The following MAPRE2 variants were observed in gnomAD, a reference collection of about 807,000 sequenced individuals.
MAPRE2 encodes the protein microtubule-associated protein RP/EB family member 2.
MAPRE2 carries 13 observed loss-of-function variants against 43.2 expected under a neutral mutation model. That is an observed-to-expected ratio of 0.30 (90% confidence interval 0.20 to 0.48). The LOEUF is 0.48. MAPRE2 is among the 20% of genes least tolerant of loss of function. The pLI is 0.99. For synonymous variants in MAPRE2, 135 were observed against 148.8 expected (o/e 0.91, Z 0.68); for missense variants, 161 against 400.2 (o/e 0.40, Z 5.10).
At chr18:35,019,526 G>A (rs2097040664) in intron 2 of MAPRE2, among the ~76,000 whole-genome samples, 1 of 151,924 alleles carries the variant, frequency 6.6e-6, no homozygotes, top group African/African-American at 2.4e-5. Flanking sequence ...TTATCATGTG[G>A]CTAGTTTTAT....
Position 35,123,962 on chromosome 18 carries a change from C to A in MAPRE2, c.611-2986C>A, listed in dbSNP as rs145794342. Among the ~76,000 whole-genome samples the A allele has an allele frequency of 4.2e-3, 641 of 152,178 alleles. 4 individuals carry two copies. Among genetic ancestry groups the A allele is most frequent in the African/African-American group, 0.015 (605 of 41,514 alleles). ...GTGGAAAGTGTTCAGGGCACTGTGG[C>A]CTCCCAGACAAAGTGACATCTGAGC... is the stretch of plus-strand genomic sequence containing the variant. On this transcript the variant is annotated intron_variant, in intron 4 of 6. Transcript: ENST00000300249.
intron 2 of MAPRE2, among the ~76,000 whole-genome samples, chr18:35,035,356 C>T (rs1246354318): frequency 1.2e-4 from 10 of 86,496 alleles, no homozygotes; most frequent in African/African-American, 3.2e-4. Context: ...ACTCTGGGGA[C>T]GGTTGTGGGG....
intron 1 of MAPRE2, among the ~76,000 whole-genome samples, chr18:34,993,812 A>G (rs1418380564): frequency 6.6e-6 from 1 of 152,172 alleles, no homozygotes; most frequent in Non-Finnish European, 1.5e-5. Context: ...GTCTGGCATA[A>G]TCAGAGGGTT....
chr18:35,064,201 A>G (rs1429688741), intron 1 of MAPRE2, among the ~76,000 whole-genome samples: 1 of 151,634 alleles, frequency 6.6e-6, no homozygotes, highest in Non-Finnish European at 1.5e-5. Context: ...TCATTTCAAA[A>G]AAAAAAAAAT....
intron 1 of MAPRE2, among the ~76,000 whole-genome samples, chr18:35,002,905 C>A (rs565223882): frequency 6.6e-6 from 1 of 152,122 alleles, no homozygotes; most frequent in South Asian, 2.1e-4. Context: ...TTGATGAAGT[C>A]CAATTTACCA....
chr18:35,011,210 A>C (rs2097034434), intron 2 of MAPRE2, among the ~76,000 whole-genome samples: 1 of 152,150 alleles, frequency 6.6e-6, no homozygotes, highest in African/African-American at 2.4e-5. Flanking sequence ...AGCAACAGCT[A>C]AGCCAGAACT....
At chr18:35,055,537 C>CTGTGTGTGTGTG (rs34194364) in intron 1 of MAPRE2, among the ~76,000 whole-genome samples, 13,963 of 146,544 alleles carry the variant, frequency 0.095, 1,100 homozygotes, top group East Asian at 0.3. Flanking sequence ...ATTCAGTTCT[C>CTGTGTGTGTGTG]TGTGTGTGTG....
At chr18:35,108,165 C>T (rs1220905799) in intron 4 of MAPRE2, among the ~76,000 whole-genome samples, 1 of 152,158 alleles carries the variant, frequency 6.6e-6, no homozygotes, top group Non-Finnish European at 1.5e-5. Context: ...ATGTTCCCCT[C>T]CCTGTGTCCA....
At chr18:35,136,142 T>G (rs1910382478) in intron 6 of MAPRE2, among the ~76,000 whole-genome samples, 1 of 152,202 alleles carries the variant, frequency 6.6e-6, no homozygotes, top group Non-Finnish European at 1.5e-5. Flanking sequence ...TTCCCAGTTG[T>G]AGAGACCTAA....
chr18:35,123,004 AACT>A (rs1313860722), intron 4 of MAPRE2, among the ~76,000 whole-genome samples: 1 of 152,234 alleles, frequency 6.6e-6, no homozygotes, highest in Non-Finnish European at 1.5e-5. Context: ...GAGCATCAGT[AACT>A]GCAGCAGCTG....
At chr18:34,978,393 G>T in intron 1 of MAPRE2, 1 of 871,264 alleles carries the variant, frequency 1.1e-6, no homozygotes, top group Non-Finnish European at 1.9e-6. Flanking sequence ...GCCGCGCTGC[G>T]AGGCGGAGGT....
intron 4 of MAPRE2, among the ~76,000 whole-genome samples, chr18:35,113,763 C>T (rs146874067): frequency 1.3e-3 from 205 of 151,910 alleles, no homozygotes; most frequent in African/African-American, 4.8e-3. Context: ...CATGGTGGCA[C>T]ACACCTGTAG....
intron 2 of MAPRE2, among the ~76,000 whole-genome samples, chr18:35,076,552 T>G (rs1907363991): frequency 6.6e-6 from 1 of 152,180 alleles, no homozygotes; most frequent in African/African-American, 2.4e-5. Context: ...GTACTTAGTT[T>G]CATTTACCCT....
chr18:35,073,003 C>G (rs1245381772), intron 2 of MAPRE2, among the ~76,000 whole-genome samples: 1 of 151,950 alleles, frequency 6.6e-6, no homozygotes, highest in Admixed American at 6.5e-5. Flanking sequence ...TAGCAGTTTT[C>G]TCAAGGTATA....
intron 4 of MAPRE2, among the ~76,000 whole-genome samples, chr18:35,117,983 C>G (rs1909487620): frequency 1.3e-5 from 2 of 151,980 alleles, no homozygotes; most frequent in African/African-American, 2.4e-5. Flanking sequence ...GTGACTCAAG[C>G]AGAGCCTGGA....
At chr18:35,121,576 C>T (rs539716) in intron 4 of MAPRE2, among the ~76,000 whole-genome samples, 25,895 of 151,720 alleles carry the variant, frequency 0.17, 2,465 homozygotes, top group East Asian at 0.29. Context: ...ATTATGTTCT[C>T]AGGACATCCT....
chr18:34,981,781 A>G (rs542507086), intron 1 of MAPRE2, among the ~76,000 whole-genome samples: 6 of 152,296 alleles, frequency 3.9e-5, no homozygotes, highest in Admixed American at 1.3e-4. Context: ...GGCTTTGGCT[A>G]CACAAGACTA....
chr18:34,981,890 T>TTTTA (rs2097016536), intron 1 of MAPRE2, among the ~76,000 whole-genome samples: 2 of 140,212 alleles, frequency 1.4e-5, no homozygotes, highest in African/African-American at 5.6e-5. Flanking sequence ...TTTATTTATT[T>TTTTA]TTTTTTTTTT....
At chr18:34,980,026 T>TTTTC in intron 1 of MAPRE2, among the ~76,000 whole-genome samples, 1 of 22,120 alleles carries the variant, frequency 4.5e-5, no homozygotes, top group African/African-American at 1.1e-4. Flanking sequence ...TCTTTTTCTT[T>TTTTC]TTTTCTTTTT....
Sources: gnomAD v4.1 joint callset for allele counts (sites outside exome capture counted in the v4.1 genomes callset) on GRCh38, gnomAD v4.1.1 for gene constraint, MANE v1.5 for transcripts, NCBI Gene and HGNC (gene_info 2026-07-23, HGNC 2026-07-21) for gene names.